PDE7B: variants seen among roughly 807,000 people sequenced by gnomAD.
PDE7B encodes 3',5'-cyclic-AMP phosphodiesterase 7B.
PDE7B carries 29 observed loss-of-function variants against 56.2 expected under a neutral mutation model. That is an observed-to-expected ratio of 0.52 (90% CI 0.38 to 0.70). The LOEUF (loss-of-function observed/expected upper bound fraction) is 0.70. PDE7B is among the 30% of genes least tolerant of loss of function. PDE7B has a pLI of 0.00. For synonymous variants in PDE7B, 197 were observed against 196.9 expected (o/e 1.00, Z 0.00); for missense variants, 490 against 565.0 (o/e 0.87, Z 1.35).
At chr6:136,026,578 A>G (rs1366431712) in intron 2 of PDE7B, among the ~76,000 whole-genome samples, 3 of 152,242 alleles carry the variant, frequency 2.0e-5, no homozygotes, top group Non-Finnish European at 4.4e-5. Flanking sequence ...ACTGCTTTAT[A>G]CAATATCCCA....
intron 2 of PDE7B, among the ~76,000 whole-genome samples, chr6:136,088,552 A>G (rs1777330341): frequency 6.6e-6 from 1 of 152,192 alleles, no homozygotes. Context: ...ATAGGATTAG[A>G]AGTCAAGTGG....
chr6:135,936,474 T>C (rs1482918335), intron 1 of PDE7B, among the ~76,000 whole-genome samples: 1 of 152,208 alleles, frequency 6.6e-6, no homozygotes, highest in Non-Finnish European at 1.5e-5. Context: ...ACATATTTGT[T>C]GGCAACACAC....
At chr6:136,147,988 T>G (rs879399517) in intron 4 of PDE7B, among the ~76,000 whole-genome samples, 1 of 152,200 alleles carries the variant, frequency 6.6e-6, no homozygotes, top group Non-Finnish European at 1.5e-5. Context: ...TTTTAATAAC[T>G]CTACAATTAC....
At chr6:136,088,766 G>A (rs955482126) in intron 2 of PDE7B, among the ~76,000 whole-genome samples, 8 of 152,086 alleles carry the variant, frequency 5.3e-5, no homozygotes, top group Admixed American at 5.2e-4. Context: ...GGTGATGGTT[G>A]CACGTATTCT....
chr6:136,021,574 G>T (rs1776072315), intron 2 of PDE7B, among the ~76,000 whole-genome samples: 1 of 151,896 alleles, frequency 6.6e-6, no homozygotes, highest in African/African-American at 2.4e-5. Context: ...AACCCAGGAG[G>T]CGGAGGTTGC....
intron 1 of PDE7B, among the ~76,000 whole-genome samples, chr6:135,926,334 A>T (rs9483894): frequency 0.81 from 122,806 of 152,070 alleles, 50,349 homozygotes; most frequent in African/African-American, 0.95. Context: ...TGATCTGCCC[A>T]CCTTGGCCTC....
At chr6:135,857,651 T>C (rs1340732004) in intron 1 of PDE7B, among the ~76,000 whole-genome samples, 1 of 152,218 alleles carries the variant, frequency 6.6e-6, no homozygotes, top group African/African-American at 2.4e-5. Flanking sequence ...TAGAATTGTT[T>C]ATTTTTGCAT....
Position 136,149,067 on chromosome 6 carries a change from T to C in PDE7B, c.319-20T>C, listed in dbSNP as rs1380433075. On this transcript the variant is annotated intron_variant, in intron 4 of 12. Transcript: ENST00000308191. ...TCCAGTGTGATTCATTTGCGTGCTG[T>C]TTTTTGTTTGCCTTTTCAGCATATG... The C allele has an allele frequency of 6.3e-7, 1 of 1,590,682 alleles. No individual in the cohort carries two copies. Among genetic ancestry groups the C allele is most frequent in the Non-Finnish European group, 8.6e-7 (1 of 1,158,902 alleles).
chr6:136,004,260 A>G (rs11509542), intron 2 of PDE7B, among the ~76,000 whole-genome samples: 46,831 of 152,080 alleles, frequency 0.31, 8,006 homozygotes, highest in Admixed American at 0.43. Context: ...TGAATGGGCA[A>G]AAACTGGAAG....
chr6:135,876,858 CAA>C (rs527740742), intron 1 of PDE7B, among the ~76,000 whole-genome samples: 7 of 141,696 alleles, frequency 4.9e-5, no homozygotes, highest in South Asian at 2.3e-4. Context: ...GACTCTGTGT[CAA>C]AAAAAAAAAA....
chr6:136,011,433 A>G (rs778210646), intron 2 of PDE7B, among the ~76,000 whole-genome samples: 12 of 152,252 alleles, frequency 7.9e-5, no homozygotes, highest in Non-Finnish European at 1.8e-4. Flanking sequence ...CTATTGGATC[A>G]TATAGCCAAA....
intron 2 of PDE7B, among the ~76,000 whole-genome samples, chr6:136,089,172 G>A (rs1777343212): frequency 2.0e-5 from 3 of 152,120 alleles, no homozygotes; most frequent in Non-Finnish European, 1.5e-5. Flanking sequence ...GTGAGCTTGT[G>A]AATTATTGTT....
At chr6:136,061,696 G>A (rs1365268612) in intron 2 of PDE7B, among the ~76,000 whole-genome samples, 2 of 152,188 alleles carry the variant, frequency 1.3e-5, no homozygotes, top group African/African-American at 4.8e-5. Flanking sequence ...TACTAAATAA[G>A]CATTGAATCA....
chr6:136,036,597 A>AG (rs1314298972), intron 2 of PDE7B, among the ~76,000 whole-genome samples: 1 of 152,188 alleles, frequency 6.6e-6, no homozygotes, highest in East Asian at 1.9e-4. Flanking sequence ...AAAAGAAATG[A>AG]GGTGGGAGTA....
chr6:136,028,413 GA>G (rs1322478853), intron 2 of PDE7B, among the ~76,000 whole-genome samples: 2 of 152,204 alleles, frequency 1.3e-5, no homozygotes, highest in Non-Finnish European at 2.9e-5. Context: ...AGGACCACGT[GA>G]GCAGTAACAT....
At chr6:136,008,583 A>C (rs565749738) in intron 2 of PDE7B, among the ~76,000 whole-genome samples, 105 of 152,332 alleles carry the variant, frequency 6.9e-4, no homozygotes, top group African/African-American at 2.4e-3. Flanking sequence ...TCTGATGGCC[A>C]GTGAGGATGA....
chr6:135,931,811 T>C (rs1478725160), intron 1 of PDE7B, among the ~76,000 whole-genome samples: 2 of 152,138 alleles, frequency 1.3e-5, no homozygotes, highest in African/African-American at 4.8e-5. Flanking sequence ...TGTACATGTG[T>C]ATGGGGAATG....
chr6:135,863,937 G>A (rs1489321666), intron 1 of PDE7B, among the ~76,000 whole-genome samples: 1 of 151,932 alleles, frequency 6.6e-6, no homozygotes, highest in African/African-American at 2.4e-5. Context: ...ATTAATGGAA[G>A]CAGTGATATA....
intron 2 of PDE7B, among the ~76,000 whole-genome samples, chr6:136,065,809 A>G (rs1404850270): frequency 6.6e-6 from 1 of 152,226 alleles, no homozygotes; most frequent in Admixed American, 6.5e-5. Context: ...TTTCAGAAAG[A>G]TCAGATTTCT....
Sources: allele counts gnomAD v4.1 joint callset (sites outside exome capture counted in the v4.1 genomes callset), GRCh38; gene constraint gnomAD v4.1.1; transcripts MANE v1.5; gene names NCBI Gene and HGNC (gene_info 2026-07-23, HGNC 2026-07-21).